Variants in CSMD1 observed in about 807,000 individuals in gnomAD.
The protein encoded by CSMD1 is CUB and Sushi multiple domains 1.
Under a neutral mutation model 417.5 loss-of-function variants are expected in CSMD1, and 213 were observed. The ratio of observed to expected loss-of-function variants is 0.51; its 90% CI spans 0.46 to 0.57. The LOEUF is 0.57. CSMD1 is among the 20% of genes least tolerant of loss of function. The probability of loss-of-function intolerance (pLI) is 0.00; values close to 1 mark genes in which losing one functional copy is unlikely to be tolerated. For synonymous variants in CSMD1, 2,862 were observed against 1,736.8 expected, an observed-to-expected ratio of 1.65 and a Z score of -16.11; for missense variants, 6,923 against 4,529.7, an observed-to-expected ratio of 1.53 and a Z score of -15.17.
chr8:4,379,413 G>C (rs376964664), intron 3 of CSMD1, among the ~76,000 whole-genome samples: 1 of 152,168 alleles, frequency 6.6e-6, no homozygotes, highest in South Asian at 2.1e-4. Flanking sequence ...GGCAAACCTG[G>C]TGAGTTCCAG....
chr8:3,212,625 A>T lies in CSMD1; in HGVS notation c.4867+1872T>A, dbSNP rs555940660. Among the ~76,000 whole-genome samples, 3 of 152,202 alleles carry T rather than the reference A, an allele frequency of 2.0e-5. No homozygotes were observed. The South Asian group carries it at 6.2e-4, about 32-fold the overall frequency. On this transcript the variant is annotated intron_variant, in intron 30 of 69. Coordinates refer to ENST00000635120, the MANE Select transcript of CSMD1 (RefSeq NM_033225.6). ...AGCCTTGGCCTCCCATAGTGTTGGGATTACAGGTGTGAGCCACTACACCTG... is the reference window on the plus strand; with the variant it reads ...AGCCTTGGCCTCCCATAGTGTTGGGTTTACAGGTGTGAGCCACTACACCTG...
chr8:4,456,976 G>GT (rs376227990), intron 2 of CSMD1, among the ~76,000 whole-genome samples: 31,904 of 136,600 alleles, frequency 0.23, 4,096 homozygotes, highest in South Asian at 0.34. Flanking sequence ...GATGAGTGTG[G>GT]TTTTTTTTTA....
At chr8:4,917,234 A>C (rs899742477) in intron 1 of CSMD1, among the ~76,000 whole-genome samples, 2 of 152,208 alleles carry the variant, frequency 1.3e-5, no homozygotes, top group African/African-American at 4.8e-5. Context: ...TGTGAACTCT[A>C]TCATGAGACA....
intron 5 of CSMD1, among the ~76,000 whole-genome samples, chr8:3,916,377 G>A (rs1232456232): frequency 1.3e-5 from 2 of 152,074 alleles, no homozygotes; most frequent in Non-Finnish European, 2.9e-5. Context: ...TACATAGGAG[G>A]TAATTCCATG....
intron 12 of CSMD1, among the ~76,000 whole-genome samples, chr8:3,430,558 G>A (rs1404087180): frequency 6.6e-6 from 1 of 152,194 alleles, no homozygotes; most frequent in East Asian, 1.9e-4. Flanking sequence ...TGTAATCTCA[G>A]CACCTTGGGA....
At chr8:3,847,734 C>G (rs1803606563) in intron 5 of CSMD1, among the ~76,000 whole-genome samples, 1 of 152,240 alleles carries the variant, frequency 6.6e-6, no homozygotes, top group Non-Finnish European at 1.5e-5. Flanking sequence ...GTCTCAATCC[C>G]TGACACTGCA....
chr8:4,533,994 G>A (rs868820426), intron 2 of CSMD1, among the ~76,000 whole-genome samples: 2 of 150,992 alleles, frequency 1.3e-5, no homozygotes, highest in African/African-American at 4.9e-5. Flanking sequence ...AGATTTGTCA[G>A]TCTATAGGTA....
chr8:3,120,239 G>A (rs995627658), intron 41 of CSMD1, among the ~76,000 whole-genome samples: 4 of 152,134 alleles, frequency 2.6e-5, no homozygotes, highest in Non-Finnish European at 5.9e-5. Context: ...AGCTTGATGC[G>A]GGATTACTCA....
At chr8:3,835,564 G>C (rs908268159) in intron 5 of CSMD1, among the ~76,000 whole-genome samples, 2 of 152,084 alleles carry the variant, frequency 1.3e-5, no homozygotes, top group African/African-American at 4.8e-5. Context: ...CTCAGGGACT[G>C]TTGTGGGGAG....
intron 1 of CSMD1, among the ~76,000 whole-genome samples, chr8:4,859,500 C>T (rs963622149): frequency 7.2e-5 from 11 of 152,116 alleles, no homozygotes; most frequent in Non-Finnish European, 1.2e-4. Flanking sequence ...AAAATTCTCG[C>T]AACCTACTCA....
chr8:4,808,129 A>G (rs80308327), intron 1 of CSMD1, among the ~76,000 whole-genome samples: 2,625 of 152,320 alleles, frequency 0.017, 30 homozygotes, highest in Middle Eastern at 0.034. Context: ...GCTACACAAA[A>G]GAGGAATCCA....
intron 5 of CSMD1, among the ~76,000 whole-genome samples, chr8:3,975,333 T>C (rs953903784): frequency 8.5e-5 from 13 of 152,242 alleles, no homozygotes; most frequent in African/African-American, 2.9e-4. Context: ...TTTGGATGTT[T>C]GTGGACATGA....
chr8:3,622,724 G>C (rs974473238), intron 7 of CSMD1, among the ~76,000 whole-genome samples: 1 of 152,186 alleles, frequency 6.6e-6, no homozygotes, highest in Non-Finnish European at 1.5e-5. Context: ...GTGATAAACA[G>C]TCAGAAAAAG....
chr8:4,774,821 TTCCTCCTAC>T (rs1796766310), intron 1 of CSMD1, among the ~76,000 whole-genome samples: 1 of 151,392 alleles, frequency 6.6e-6, no homozygotes, highest in African/African-American at 2.5e-5. Context: ...TCTTTCTCTC[TTCCTCCTAC>T]TGGAGGCATG....
chr8:4,048,862 G>A (rs938877143), intron 3 of CSMD1, among the ~76,000 whole-genome samples: 1 of 152,186 alleles, frequency 6.6e-6, no homozygotes, highest in Non-Finnish European at 1.5e-5. Context: ...AATACAGATA[G>A]ATCAAGCTCA....
intron 65 of CSMD1, among the ~76,000 whole-genome samples, chr8:2,953,351 C>T (rs1194223285): frequency 6.6e-6 from 1 of 150,632 alleles, no homozygotes; most frequent in Non-Finnish European, 1.5e-5. Flanking sequence ...AGCATCCTGA[C>T]AATATTTTTC....
chr8:3,679,874 A>T (rs972302514), intron 7 of CSMD1, among the ~76,000 whole-genome samples: 1 of 152,252 alleles, frequency 6.6e-6, no homozygotes, highest in Non-Finnish European at 1.5e-5. Flanking sequence ...ACTCAGGATT[A>T]AGAAACTCAC....
chr8:4,181,223 TG>T (rs1383548188), intron 3 of CSMD1, among the ~76,000 whole-genome samples: 3 of 152,196 alleles, frequency 2.0e-5, no homozygotes, highest in Non-Finnish European at 4.4e-5. Flanking sequence ...GATTTAAATT[TG>T]GTACTTATTA....
In CSMD1 at chr8:3,730,562, T is replaced by C. The variant is rs372004289; in HGVS notation, c.932-22071A>G. Among the ~76,000 whole-genome samples, 42 of 152,242 alleles carry C rather than the reference T, an allele frequency of 2.8e-4. 1 individual carries two copies. Among genetic ancestry groups the C allele is most frequent in the East Asian group, 9.7e-4 (5 of 5,154 alleles). On this transcript the variant is annotated intron_variant, in intron 6 of 69. Transcript: ENST00000635120. ...GAGGAGAGGAAAGTGCTACCGCCAA[T>C]GAACAGCTTTGCACACACTATATGG...
Sources: allele counts gnomAD v4.1 joint callset (sites outside exome capture counted in the v4.1 genomes callset), GRCh38; gene constraint gnomAD v4.1.1; transcripts MANE v1.5; gene names NCBI Gene and HGNC (gene_info 2026-07-23, HGNC 2026-07-21).